TCFL5: variants seen among roughly 807,000 people sequenced by gnomAD.
TCFL5 encodes the protein transcription factor-like 5 protein.
In TCFL5, 9 loss-of-function variants were observed where a neutral mutation model predicts 44.3. The observed-to-expected ratio is 0.20, with a 90% CI of 0.12 to 0.35. The LOEUF is 0.35. Among genes scored for constraint, TCFL5 ranks in the 10% least tolerant of loss-of-function variants. The pLI, the probability that TCFL5 is intolerant of heterozygous loss-of-function variation, is 1.00. For missense variants in TCFL5, 603 were observed against 613.4 expected (o/e 0.98, Z 0.18); for synonymous variants, 319 against 271.6 (o/e 1.17, Z -1.72).
At chr20:62,845,123 A>G (rs1027484382) in intron 5 of TCFL5, 9 of 887,794 alleles carry the variant, frequency 1.0e-5, no homozygotes, top group Non-Finnish European at 1.2e-5. Context: ...TTTCTTCCCA[A>G]TTTTTTTTTT....
At chr20:62,845,564 TAAATG>T (rs1445351436) in intron 5 of TCFL5, 30 of 1,493,162 alleles carry the variant, frequency 2.0e-5, no homozygotes, top group Non-Finnish European at 2.5e-5. Context: ...TCAGGACAAT[TAAATG>T]AAAGTCAGAG....
At chr20:62,843,635 C>G (rs2063703916) in intron 5 of TCFL5, among the ~76,000 whole-genome samples, 1 of 152,202 alleles carries the variant, frequency 6.6e-6, no homozygotes, top group African/African-American at 2.4e-5. Flanking sequence ...GCCTTTTAAG[C>G]ATGTGTAAGT....
At chr20:62,845,895 G>C in intron 5 of TCFL5, 1 of 1,544,530 alleles carries the variant, frequency 6.5e-7, no homozygotes, top group Non-Finnish European at 8.8e-7. Flanking sequence ...AGTCAACAAA[G>C]AATGAGTTAA....
chr20:62,856,075 C>T (rs2063884036), intron 4 of TCFL5, among the ~76,000 whole-genome samples: 1 of 151,448 alleles, frequency 6.6e-6, no homozygotes, highest in South Asian at 2.1e-4. Context: ...ATGGTGAAAC[C>T]TCATCTCTAC....
chr20:62,852,940 GAAGTA>G (rs2063832176), intron 5 of TCFL5: 4 of 1,289,358 alleles, frequency 3.1e-6, no homozygotes, highest in Middle Eastern at 2.1e-4. Flanking sequence ...CCAGTCCGCA[GAAGTA>G]TAGTCACCTA....
chr20:62,851,350 TA>T, intron 5 of TCFL5: 1 of 179,884 alleles, frequency 5.6e-6, no homozygotes, highest in Non-Finnish European at 1.1e-5. Context: ...ATCATATCCA[TA>T]AACATTTGGT....
At chr20:62,855,325 T>C (rs1028196732) in intron 4 of TCFL5, among the ~76,000 whole-genome samples, 24 of 152,192 alleles carry the variant, frequency 1.6e-4, no homozygotes, top group Admixed American at 1.5e-3. Context: ...CCACCACTAC[T>C]AGTATTGTTG....
chr20:62,852,942 A>ATAT, intron 5 of TCFL5: 1 of 1,289,510 alleles, frequency 7.8e-7, no homozygotes, highest in Non-Finnish European at 1.0e-6. Flanking sequence ...AGTCCGCAGA[A>ATAT]GTATAGTCAC....
At chr20:62,845,898 T>G (rs778219872) in intron 5 of TCFL5, 1 of 1,538,110 alleles carries the variant, frequency 6.5e-7, no homozygotes, top group South Asian at 1.2e-5. Flanking sequence ...CAACAAAGAA[T>G]GAGTTAAATG....
In TCFL5 at chr20:62,861,315, G is replaced by C; in HGVS notation, c.356C>G (p.Pro119Arg). Reference protein sequence around the residue: ...LCPSALAADAPCLGHIDFQEL... With the variant: ...LCPSALAADARCLGHIDFQEL... ...CTGGAAGTCGATGTGGCCCAGGCAG[G>C]GCGCGTCGGCCGCCAGCGCGGACGG... The change falls in exon 1 of 6, where the codon CCC becomes CGC. Residue 119 changes from proline (P) to arginine (R), a missense_variant. This residue lies in a region of TCFL5 where 540 missense variants were observed against 478.7 expected (regional missense o/e 1.13). Coordinates refer to ENST00000335351, the MANE Select transcript of TCFL5 (RefSeq NM_006602.4). This position sits in a 1 kb window ranked among gnomAD's most constrained non-coding sequence, Gnocchi z 4.0. The C allele has an allele frequency of 1.7e-6, 2 of 1,158,146 alleles. No homozygotes were observed. The highest frequency in any genetic ancestry group is 2.2e-6 in the Non-Finnish European group (2 of 928,508). The allele number at this position is 1,158,146 out of a possible 1,614,324, so 71.7% of individuals were successfully genotyped here. A position where few individuals can be genotyped will look rare whatever the true frequency, so the allele number is the denominator to read the frequency against.
At chr20:62,858,256 G>A (rs566958453) in intron 3 of TCFL5, among the ~76,000 whole-genome samples, 5 of 152,354 alleles carry the variant, frequency 3.3e-5, no homozygotes, top group Non-Finnish European at 4.4e-5. Context: ...CAGTGGAACT[G>A]TATCCATCAA....
At chr20:62,856,452 C>T (rs1007212926) in intron 4 of TCFL5, among the ~76,000 whole-genome samples, 3 of 151,742 alleles carry the variant, frequency 2.0e-5, no homozygotes, top group South Asian at 2.1e-4. Context: ...CACCTGTAAT[C>T]CCAGCACTTT....
chr20:62,859,274 C>T, intron 3 of TCFL5, 90 bp downstream of exon 3: 1 of 1,316,872 alleles, frequency 7.6e-7, no homozygotes, highest in Non-Finnish European at 1.1e-6. Context: ...TACAAACCAT[C>T]TGTCTCCCCT....
intron 5 of TCFL5, among the ~76,000 whole-genome samples, chr20:62,848,087 G>C: frequency 6.6e-6 from 1 of 152,262 alleles, no homozygotes; most frequent in East Asian, 1.9e-4. Flanking sequence ...CGCAGGAAAG[G>C]AGGAGAGAAG....
intron 4 of TCFL5, among the ~76,000 whole-genome samples, chr20:62,855,437 C>A (rs2063873064): frequency 6.6e-6 from 1 of 152,212 alleles, no homozygotes. Flanking sequence ...TGAGCCACTG[C>A]ACCCTGCCCC....
chr20:62,858,551 A>T (rs2063931816), intron 3 of TCFL5, among the ~76,000 whole-genome samples: 1 of 152,260 alleles, frequency 6.6e-6, no homozygotes, highest in Non-Finnish European at 1.5e-5. Flanking sequence ...TCTTGTCTTC[A>T]CCAACTCTTG....
chr20:62,853,586 A>C (rs1327445384), intron 5 of TCFL5, among the ~76,000 whole-genome samples: 2 of 152,168 alleles, frequency 1.3e-5, no homozygotes, highest in Non-Finnish European at 2.9e-5. Flanking sequence ...CCTGGGCTCA[A>C]GAGATCCTCC....
At chr20:62,856,618 A>T (rs2063895232) in intron 4 of TCFL5, among the ~76,000 whole-genome samples, 1 of 149,886 alleles carries the variant, frequency 6.7e-6, no homozygotes, top group African/African-American at 2.5e-5. Context: ...AGGCAGGAGA[A>T]CGGCATGAAC....
At chr20:62,847,871 G>A (rs904223285) in intron 5 of TCFL5, among the ~76,000 whole-genome samples, 2 of 152,226 alleles carry the variant, frequency 1.3e-5, no homozygotes, top group African/African-American at 2.4e-5. Flanking sequence ...TTAGCTGGGC[G>A]TGGTGGCGTG....
Sources: gnomAD v4.1 joint callset for allele counts (sites outside exome capture counted in the v4.1 genomes callset) on GRCh38, gnomAD v4.1.1 for gene constraint, gnomAD v4.1.1 regional missense constraint, Gnocchi (gnomAD v3.1) non-coding constraint, MANE v1.5 for transcripts, NCBI Gene and HGNC (gene_info 2026-07-23, HGNC 2026-07-21) for gene names.